CAPS2: variants seen among roughly 807,000 people sequenced by gnomAD.
The protein encoded by CAPS2 is calcyphosin-2.
A neutral mutation model predicts 86.5 loss-of-function variants in CAPS2; 98 were observed. That is an observed-to-expected ratio of 1.13 (90% CI 0.96 to 1.34). The LOEUF (loss-of-function observed/expected upper bound fraction) is 1.34. Among genes scored for constraint, CAPS2 ranks in the 40% most tolerant of loss-of-function variants. The pLI, the probability that CAPS2 is intolerant of heterozygous loss-of-function variation, is 0.00. For missense variants in CAPS2, 729 were observed against 686.8 expected (o/e 1.06, Z -0.69); for synonymous variants, 210 against 225.1 (o/e 0.93, Z 0.60).
chr12:75,327,848 CTTTA>C (rs1181590980), upstream of CAPS2, among the ~76,000 whole-genome samples: 9 of 148,452 alleles, frequency 6.1e-5, no homozygotes, highest in Admixed American at 2.7e-4. Context: ...TTAAAATATA[CTTTA>C]TTTATAAAAT....
At chr12:75,281,213 A>G (rs1388975923) in intron 16 of CAPS2, among the ~76,000 whole-genome samples, 1 of 151,928 alleles carries the variant, frequency 6.6e-6, no homozygotes, top group Non-Finnish European at 1.5e-5. Context: ...TGTAATTTGG[A>G]AGTATCACTT....
exon 17 of CAPS2, chr12:75,278,787 A>G: frequency 7.4e-7 from 1 of 1,346,880 alleles, no homozygotes; most frequent in Non-Finnish European, 9.5e-7. Flanking sequence ...ACCAGAATAA[A>G]GGAAGTCCTA....
chr12:75,303,403 T>G (rs1357690443), intron 8 of CAPS2, among the ~76,000 whole-genome samples: 9 of 152,180 alleles, frequency 5.9e-5, no homozygotes, highest in Admixed American at 3.9e-4. Context: ...GCAGTTCTAA[T>G]CTATGATATT....
chr12:75,321,736 T>C (rs2040323935), intron 4 of CAPS2, among the ~76,000 whole-genome samples, 160 bp from the exon 5 acceptor site: 1 of 152,134 alleles, frequency 6.6e-6, no homozygotes, highest in Non-Finnish European at 1.5e-5. Context: ...ATTCAACTGG[T>C]ACAGACAGCA....
At chr12:75,288,984 C>T (rs549547179) in intron 14 of CAPS2, among the ~76,000 whole-genome samples, 1 of 152,206 alleles carries the variant, frequency 6.6e-6, no homozygotes, top group East Asian at 1.9e-4. Context: ...ACAGAGAAAG[C>T]TGTGGCCTGA....
chr12:75,309,875 C>T (rs1227033914), intron 7 of CAPS2, among the ~76,000 whole-genome samples: 1 of 152,204 alleles, frequency 6.6e-6, no homozygotes, highest in African/African-American at 2.4e-5. Context: ...GTTAAATATA[C>T]ATACACAGAA....
chr12:75,279,861 T>C (rs1234875582), intron 16 of CAPS2, among the ~76,000 whole-genome samples: 1 of 152,068 alleles, frequency 6.6e-6, no homozygotes, highest in Non-Finnish European at 1.5e-5. Context: ...ACATAGATTT[T>C]GGTAGAAATT....
chr12:75,377,865 G>A (rs1241800979), intron 1 of CAPS2, among the ~76,000 whole-genome samples: 280 of 8,284 alleles, frequency 0.034, 1 homozygote, highest in African/African-American at 0.17. Context: ...ATATATGCGT[G>A]TGTGTGTGTG....
At chr12:75,306,157 C>A (rs143840706) in intron 7 of CAPS2, 6 of 995,154 alleles carry the variant, frequency 6.0e-6, no homozygotes, top group Non-Finnish European at 7.8e-6. Flanking sequence ...GGAGTTCGTC[C>A]AGCAGAATTA....
chr12:75,331,752 A>G (rs1015278286), upstream of CAPS2, among the ~76,000 whole-genome samples: 10 of 151,848 alleles, frequency 6.6e-5, no homozygotes, highest in Non-Finnish European at 1.5e-4. Context: ...TTTAGTAGAG[A>G]CAGGGTTTCA....
chr12:75,331,992 G>T (rs965605425), upstream of CAPS2, among the ~76,000 whole-genome samples: 4 of 152,142 alleles, frequency 2.6e-5, no homozygotes, highest in Admixed American at 2.6e-4. Flanking sequence ...CTGGCAATTA[G>T]ACTTTTTACA....
chr12:75,324,876 A>G (rs564712511), intron 2 of CAPS2, among the ~76,000 whole-genome samples: 88 of 152,266 alleles, frequency 5.8e-4, no homozygotes, highest in African/African-American at 1.9e-3. Context: ...AAGCACAGAC[A>G]TAATTATCCT....
chr12:75,306,120 CG>C, intron 7 of CAPS2: 4 of 1,219,994 alleles, frequency 3.3e-6, no homozygotes, highest in Non-Finnish European at 3.6e-6. Context: ...CTTCCACATT[CG>C]GGAACGTGCG....
upstream of CAPS2, among the ~76,000 whole-genome samples, chr12:75,329,234 C>T (rs1454775163): frequency 6.6e-6 from 1 of 152,178 alleles, no homozygotes; most frequent in Non-Finnish European, 1.5e-5. Flanking sequence ...CAAGAATCAG[C>T]AAACAACTGG....
intron 1 of CAPS2, among the ~76,000 whole-genome samples, chr12:75,379,626 T>C (rs900312477): frequency 3.3e-5 from 5 of 152,188 alleles, no homozygotes; most frequent in African/African-American, 1.2e-4. Flanking sequence ...ATTTAAGTAG[T>C]GCATTTTTCA....
intron 7 of CAPS2, among the ~76,000 whole-genome samples, chr12:75,309,704 C>G (rs1201173035): frequency 6.6e-6 from 1 of 152,162 alleles, no homozygotes; most frequent in Non-Finnish European, 1.5e-5. Context: ...GTCATCTCTA[C>G]CATATACTGT....
chr12:75,311,714 AAAAAAAAAAC>A (rs1565874031), intron 7 of CAPS2, among the ~76,000 whole-genome samples: 21,619 of 60,790 alleles, frequency 0.36, 5,951 homozygotes, highest in Non-Finnish European at 0.48. Flanking sequence ...AAAAAAAACA[AAAAAAAAAAC>A]AAAAAAAAAA....
intron 1 of CAPS2, among the ~76,000 whole-genome samples, chr12:75,383,897 A>C (rs1003758310): frequency 6.6e-6 from 1 of 152,204 alleles, no homozygotes; most frequent in African/African-American, 2.4e-5. Context: ...AAAATAAGAG[A>C]TTAAATGGCA....
chr12:75,335,414 T>C (rs927502062), intron 1 of CAPS2, among the ~76,000 whole-genome samples: 9 of 152,184 alleles, frequency 5.9e-5, no homozygotes, highest in African/African-American at 2.2e-4. Flanking sequence ...CATTGGATTA[T>C]TAAATAATCC....
Sources: gnomAD v4.1 joint callset for allele counts (sites outside exome capture counted in the v4.1 genomes callset) on GRCh38, gnomAD v4.1.1 for gene constraint, MANE v1.5 for transcripts, NCBI Gene and HGNC (gene_info 2026-07-23, HGNC 2026-07-21) for gene names.